Variants in CYP27A1 observed in about 807,000 individuals in gnomAD.
CYP27A1 encodes sterol 26-hydroxylase, mitochondrial.
A neutral mutation model predicts 58.2 loss-of-function variants in CYP27A1; 46 were observed. The observed-to-expected ratio is 0.79, with a 90% CI of 0.62 to 1.01. CYP27A1 has a LOEUF of 1.01. Among genes scored for constraint, CYP27A1 ranks in the 50% least tolerant of loss-of-function variants. The pLI is 0.00. For missense variants in CYP27A1, 704 were observed against 687.0 expected, an observed-to-expected ratio of 1.02 and a Z score of -0.28; for synonymous variants, 274 against 285.1, an observed-to-expected ratio of 0.96 and a Z score of 0.39.
intron 5 of CYP27A1, 78 bp downstream of exon 5, chr2:218,813,174 C>T (rs1943743614): frequency 2.2e-6 from 3 of 1,351,038 alleles, no homozygotes; most frequent in Non-Finnish European, 3.0e-6. Flanking sequence ...CTCACCTGAT[C>T]CCGACCTTCA....
rs750278316 is a variant in CYP27A1, at chr2:218,812,984, C to A, written c.905C>A (p.Pro302Gln). Residue 302 changes from proline to glutamine, a missense_variant, in exon 5 of 9, where the codon CCA becomes CAA. Transcript: ENST00000258415. Reference sequence around the variant, plus strand: ...GAGGCCCAACTGCAGGCAGCAGGGCCAGATGGCATCCAGGTGTCTGGCTAC... The same window carrying A: ...GAGGCCCAACTGCAGGCAGCAGGGCAAGATGGCATCCAGGTGTCTGGCTAC... Reference protein sequence around the residue: ...DMEAQLQAAGPDGIQVSGYLH... With the variant: ...DMEAQLQAAGQDGIQVSGYLH... 1 of 1,614,224 alleles carries A rather than the reference C, an allele frequency of 6.2e-7. No homozygotes were observed. The highest frequency in any genetic ancestry group is 1.7e-5 in the Admixed American group (1 of 60,030).
intron 1 of CYP27A1, among the ~76,000 whole-genome samples, chr2:218,794,687 A>C (rs1943528856): frequency 6.6e-6 from 1 of 152,080 alleles, no homozygotes; most frequent in Non-Finnish European, 1.5e-5. Flanking sequence ...AACTTTTCCC[A>C]GTTTGGAGGA....
chr2:218,784,344 G>C (rs562358503), intron 1 of CYP27A1, among the ~76,000 whole-genome samples: 1 of 152,224 alleles, frequency 6.6e-6, no homozygotes, highest in Non-Finnish European at 1.5e-5. Flanking sequence ...AGTCACATAA[G>C]CAGGCTGCTG....
chr2:218,810,202 C>T (rs947135802), intron 2 of CYP27A1, among the ~76,000 whole-genome samples: 4 of 151,952 alleles, frequency 2.6e-5, no homozygotes, highest in African/African-American at 9.7e-5. Context: ...TCGTTTGAAC[C>T]CAGGAGGTGG....
At chr2:218,805,042 G>A (rs998757108) in intron 1 of CYP27A1, among the ~76,000 whole-genome samples, 3 of 152,122 alleles carry the variant, frequency 2.0e-5, no homozygotes, top group African/African-American at 7.2e-5. Context: ...CCACCCTTAT[G>A]ACCCCATTTA....
chr2:218,814,328 C>G (rs949118725), intron 6 of CYP27A1, 52 bp from the exon 7 acceptor site: 2 of 1,603,498 alleles, frequency 1.2e-6, no homozygotes, highest in Non-Finnish European at 1.7e-6. Flanking sequence ...GAGTGGGGCA[C>G]TTTGTACCCC....
chr2:218,790,034 T>C (rs1167009783), intron 1 of CYP27A1, among the ~76,000 whole-genome samples: 1 of 152,228 alleles, frequency 6.6e-6, no homozygotes, highest in African/African-American at 2.4e-5. Context: ...TTTGGTGTGG[T>C]CTGTTGGAGG....
chr2:218,804,089 C>G (rs1031501447), intron 1 of CYP27A1, among the ~76,000 whole-genome samples: 2 of 152,034 alleles, frequency 1.3e-5, no homozygotes, highest in Admixed American at 1.3e-4. Context: ...ATTCCTCATG[C>G]ATTTGTTATC....
At chr2:218,792,979 T>C (rs1223892688) in intron 1 of CYP27A1, among the ~76,000 whole-genome samples, 1 of 152,212 alleles carries the variant, frequency 6.6e-6, no homozygotes, top group East Asian at 1.9e-4. Context: ...GACAAATATG[T>C]CAAAGGTTTA....
rs373628198 is a variant in CYP27A1, at chr2:218,814,377, C to A, written c.1185-3C>A. On this transcript the variant is annotated splice_region_variant and splice_polypyrimidine_tract_variant and intron_variant, in intron 6 of 8. Coordinates refer to ENST00000258415, the MANE Select transcript of CYP27A1 (RefSeq NM_000784.4). ...CAGACTCCAGACATTCTTTTCCCTG[C>A]AGTCTCTACCCTGTGGTCCCCACAA... The A allele has an allele frequency of 1.2e-5, 19 of 1,613,662 alleles. No individual in the cohort carries two copies. Among genetic ancestry groups the A allele is most frequent in the Non-Finnish European group, 1.6e-5 (19 of 1,179,654 alleles).
chr2:218,789,537 C>T (rs1816213), intron 1 of CYP27A1, among the ~76,000 whole-genome samples: 22,995 of 152,160 alleles, frequency 0.15, 3,448 homozygotes, highest in African/African-American at 0.39. Context: ...AATTTGAACA[C>T]GGTTTGAACA....
At chr2:218,783,257 CAAAAAAAAAA>C (rs371442397) in intron 1 of CYP27A1, among the ~76,000 whole-genome samples, 1 of 79,536 alleles carries the variant, frequency 1.3e-5, no homozygotes, top group Admixed American at 1.5e-4. Context: ...AACTCTGTCT[CAAAAAAAAAA>C]AAAAAAAAAG....
At chr2:218,790,488 T>G (rs62193298) in intron 1 of CYP27A1, among the ~76,000 whole-genome samples, 54,139 of 152,014 alleles carry the variant, frequency 0.36, 10,405 homozygotes, top group Non-Finnish European at 0.43. Context: ...AGCAGTCTCT[T>G]TGTTAATCCC....
intron 2 of CYP27A1, among the ~76,000 whole-genome samples, chr2:218,811,496 G>C (rs2105979610): frequency 6.6e-6 from 1 of 152,322 alleles, no homozygotes; most frequent in African/African-American, 2.4e-5. Context: ...CTTGCTTATG[G>C]AAAGTATGTT....
intron 1 of CYP27A1, among the ~76,000 whole-genome samples, chr2:218,787,773 C>T (rs1943454059): frequency 6.6e-6 from 1 of 152,214 alleles, no homozygotes; most frequent in Admixed American, 6.5e-5. Flanking sequence ...TTTGGACCTT[C>T]CAGCCTCCAG....
At chr2:218,809,867 C>T (rs1277492053) in intron 2 of CYP27A1, 100 bp downstream of exon 2, 1 of 1,040,308 alleles carries the variant, frequency 9.6e-7, no homozygotes, top group Non-Finnish European at 1.4e-6. Context: ...AGAATAGTAC[C>T]CTCTGCATCC....
intron 1 of CYP27A1, among the ~76,000 whole-genome samples, chr2:218,803,657 C>T (rs1156340972): frequency 6.7e-6 from 1 of 149,032 alleles, no homozygotes; most frequent in Non-Finnish European, 1.5e-5. Context: ...CTCTTGACAT[C>T]GTGATCTGTC....
In CYP27A1 at chr2:218,809,561, T is replaced by C; in HGVS notation, c.256-16T>C. On this transcript the variant is annotated splice_polypyrimidine_tract_variant and intron_variant, in intron 1 of 8. Coordinates refer to ENST00000258415, the MANE Select transcript of CYP27A1 (RefSeq NM_000784.4). ...CCAGCTTGGCCCAGTTATTCAGTTT[T>C]GATTGAACTCCACAGGTGCTTTACA... The C allele has an allele frequency of 6.2e-7, 1 of 1,613,644 alleles. No homozygotes were observed. Among genetic ancestry groups the C allele is most frequent in the South Asian group, 1.1e-5 (1 of 91,048 alleles).
At chr2:218,812,095 A>G in intron 2 of CYP27A1, 127 bp from the exon 3 acceptor site, 1 of 728,500 alleles carries the variant, frequency 1.4e-6, no homozygotes, top group Admixed American at 2.1e-5. Context: ...ATAATTCTAA[A>G]TTCTAGGAGT....
Sources: allele counts gnomAD v4.1 joint callset (sites outside exome capture counted in the v4.1 genomes callset), GRCh38; gene constraint gnomAD v4.1.1; transcripts MANE v1.5; gene names NCBI Gene and HGNC (gene_info 2026-07-23, HGNC 2026-07-21).